RAPGEF1: variants seen among roughly 807,000 people sequenced by gnomAD.
RAPGEF1 encodes CRK SH3-binding GNRP.
In RAPGEF1, 33 loss-of-function variants were observed where a neutral mutation model predicts 143.3. The observed-to-expected ratio is 0.23, with a 90% CI of 0.17 to 0.31. The LOEUF (loss-of-function observed/expected upper bound fraction) is 0.31, where lower values mean the gene tolerates loss of function less well. RAPGEF1 is among the 10% of genes least tolerant of loss of function. The pLI, the probability that RAPGEF1 is intolerant of heterozygous loss-of-function variation, is 1.00. For synonymous variants in RAPGEF1, 629 were observed against 676.5 expected (o/e 0.93, Z 1.09); for missense variants, 1,199 against 1,645.4 (o/e 0.73, Z 4.69).
chr9:131,613,233 C>T (rs1294943365), intron 12 of RAPGEF1, among the ~76,000 whole-genome samples: 2 of 137,698 alleles, frequency 1.5e-5, no homozygotes, highest in African/African-American at 5.7e-5. Context: ...GTTCATACAG[C>T]AAGTAAGGAG....
At position 131,641,060 on chromosome 9, in the gene RAPGEF1, C is replaced by A. The variant is rs1477089259; in HGVS notation, c.494+2179G>T. On this transcript the variant is annotated intron_variant, in intron 4 of 26. Coordinates refer to ENST00000683357, the MANE Select transcript of RAPGEF1 (RefSeq NM_001377935.1). This position sits in a 1 kb window ranked among gnomAD's most constrained non-coding sequence, Gnocchi z 4.6. ...GACATTCAATGTCAATTAAGAGCCA[C>A]CCCTCAATAGACAAAAAATACCCCC... 2.0e-5 allele frequency among the ~76,000 whole-genome samples: 3 copies of A among 152,140 alleles called. No individual in the cohort carries two copies. The highest frequency in any genetic ancestry group is 4.8e-5 in the African/African-American group (2 of 41,422).
At chr9:131,593,600 C>T (rs1329961384) in intron 17 of RAPGEF1, among the ~76,000 whole-genome samples, 1 of 152,204 alleles carries the variant, frequency 6.6e-6, no homozygotes, top group Admixed American at 6.5e-5. Context: ...CTGAGTCATG[C>T]TGGCTTGGCT....
chr9:131,710,007 A>G, intron 1 of RAPGEF1: 2 of 934,206 alleles, frequency 2.1e-6, no homozygotes, highest in Non-Finnish European at 2.6e-6. Flanking sequence ...TCAGCACAAC[A>G]GCGGCTTGCA....
At chr9:131,626,505 G>GGCTC (rs1344185065) in intron 9 of RAPGEF1, 83 bp from the exon 10 acceptor site, 1 of 1,413,002 alleles carries the variant, frequency 7.1e-7, no homozygotes, top group Non-Finnish European at 9.5e-7. Context: ...GCCTCTCGCC[G>GGCTC]GCTCGCTCAT....
intron 1 of RAPGEF1, among the ~76,000 whole-genome samples, chr9:131,686,273 C>A (rs1003672075): frequency 2.0e-5 from 3 of 152,184 alleles, no homozygotes; most frequent in African/African-American, 7.2e-5. Flanking sequence ...TGTGTTCCAA[C>A]AAAACTTTAT....
At chr9:131,648,630 G>A (rs1970306466) in intron 3 of RAPGEF1, among the ~76,000 whole-genome samples, 1 of 152,114 alleles carries the variant, frequency 6.6e-6, no homozygotes, top group African/African-American at 2.4e-5. Flanking sequence ...AATAACTGTG[G>A]CACAGACCAA....
chr9:131,652,933 G>A (rs1044302250), intron 1 of RAPGEF1, among the ~76,000 whole-genome samples: 6 of 152,136 alleles, frequency 3.9e-5, no homozygotes, highest in African/African-American at 9.7e-5. Flanking sequence ...CATTGCGCTG[G>A]ATGTAATGAT....
rs545275365 is a variant in RAPGEF1 at position 131,589,641 on chromosome 9, G to A, written c.2867+245C>T. Among the ~76,000 whole-genome samples, 12 of 152,244 alleles carry A rather than the reference G, an allele frequency of 7.9e-5. No individual in the cohort carries two copies. In the East Asian group the frequency reaches 1.2e-3, roughly 15 times the overall value. ...CCTAAGATACCATGGGAGCAGGTGCGTTGGGCGGGTTCTCTCCTGAGGGTC... is the reference window on the plus strand; with the variant it reads ...CCTAAGATACCATGGGAGCAGGTGCATTGGGCGGGTTCTCTCCTGAGGGTC... On this transcript the variant is annotated intron_variant, in intron 19 of 26. Transcript: ENST00000683357.
Position 131,596,364 on chromosome 9 carries a change from C to T in RAPGEF1, c.2623G>A (p.Gly875Arg), listed in dbSNP as rs1164172369. 1.9e-6 allele frequency: 3 copies of T among 1,613,968 alleles called. No homozygotes were observed. The highest frequency in any genetic ancestry group is 1.7e-5 in the Admixed American group (1 of 60,024). The change falls in exon 17 of 27, where the codon GGG (glycine) becomes AGG (arginine). Residue 875 changes from glycine (G) to arginine (R), a missense_variant. Physicochemically the swap from Gly to Arg is moderately radical, Grantham distance 125. Coordinates refer to ENST00000683357, the MANE Select transcript of RAPGEF1 (RefSeq NM_001377935.1). ...RLTLKQEGDD[G>R]PDVRGGSGDI... Reference sequence around the variant, plus strand: ...CCAGATCCTCCGCGGACGTCCGGCCCGTCATCACCCTGTAATGAACACAGC... The same window carrying T: ...CCAGATCCTCCGCGGACGTCCGGCCTGTCATCACCCTGTAATGAACACAGC...
In RAPGEF1 at chr9:131,653,976, A is replaced by T. The variant is rs374802343; in HGVS notation, c.62-3027T>A. Among the ~76,000 whole-genome samples the T allele has an allele frequency of 2.6e-5, 4 of 152,382 alleles. No individual in the cohort carries two copies. In the East Asian group the frequency reaches 5.8e-4, roughly 22 times the overall value. Reference sequence around the variant, plus strand: ...AATAAATTAAGTACGGATCAGCTACAACACAGTTGAACCTTGAAAACATTA... The same window carrying T: ...AATAAATTAAGTACGGATCAGCTACTACACAGTTGAACCTTGAAAACATTA... On this transcript the variant is annotated intron_variant, in intron 1 of 26. Coordinates refer to ENST00000683357, the MANE Select transcript of RAPGEF1 (RefSeq NM_001377935.1).
chr9:131,641,830 C>T lies in RAPGEF1; in HGVS notation c.494+1409G>A, dbSNP rs1968083612. On this transcript the variant is annotated intron_variant, in intron 4 of 26. Transcript: ENST00000683357. This position sits in a 1 kb window ranked among gnomAD's most constrained non-coding sequence, Gnocchi z 4.6. Reference sequence around the variant, plus strand: ...CGCCAGCGAGCTTCTGGCCAAAAGACCACAGTCTCCACGCGTCAGCTGAAA... The same window carrying T: ...CGCCAGCGAGCTTCTGGCCAAAAGATCACAGTCTCCACGCGTCAGCTGAAA... 6.6e-6 allele frequency among the ~76,000 whole-genome samples: 1 copy of T among 152,256 alleles called. No individual in the cohort carries two copies. The highest frequency in any genetic ancestry group is 6.5e-5 in the Admixed American group (1 of 15,286).
At chr9:131,723,764 T>C (rs1192610231) in intron 1 of RAPGEF1, among the ~76,000 whole-genome samples, 2 of 152,236 alleles carry the variant, frequency 1.3e-5, no homozygotes, top group Non-Finnish European at 2.9e-5. Context: ...CTCGAGTCCC[T>C]GCTTTCCCTT....
rs1384905970 is a variant in RAPGEF1, at chr9:131,655,492, C to T, written c.62-4543G>A. ...CGCTCCCCTCTGTCCTGCCTCTTCT[C>T]TCTCTTCACCCAAGCAGGGTGGATC... On this transcript the variant is annotated intron_variant, in intron 1 of 26. Coordinates refer to ENST00000683357, the MANE Select transcript of RAPGEF1 (RefSeq NM_001377935.1). This position sits in a 1 kb window ranked among gnomAD's most constrained non-coding sequence, Gnocchi z 4.1. 6.6e-6 allele frequency among the ~76,000 whole-genome samples: 1 copy of T among 152,262 alleles called. No homozygotes were observed. The highest frequency in any genetic ancestry group is 2.4e-5 in the African/African-American group (1 of 41,474).
At chr9:131,579,934 G>A (rs1264886328) in intron 26 of RAPGEF1, among the ~76,000 whole-genome samples, 1 of 152,212 alleles carries the variant, frequency 6.6e-6, no homozygotes, top group Admixed American at 6.5e-5. Context: ...CGCCCTGGGG[G>A]AGCTCTGGTG....
chr9:131,724,106 C>G (rs543444653), intron 1 of RAPGEF1, among the ~76,000 whole-genome samples: 41 of 152,202 alleles, frequency 2.7e-4, no homozygotes, highest in African/African-American at 8.9e-4. Flanking sequence ...ATACTACTGC[C>G]GAGAGAAGAC....
chr9:131,633,174 A>G (rs1450670957), intron 5 of RAPGEF1, among the ~76,000 whole-genome samples: 1 of 152,226 alleles, frequency 6.6e-6, no homozygotes, highest in Non-Finnish European at 1.5e-5. Flanking sequence ...TTTAGAAGTT[A>G]ATATTTAAGG....
At chr9:131,692,150 A>G (rs1308896452) in intron 1 of RAPGEF1, among the ~76,000 whole-genome samples, 2 of 152,238 alleles carry the variant, frequency 1.3e-5, no homozygotes, top group African/African-American at 4.8e-5. Flanking sequence ...GTTCCAGCAA[A>G]GCAAACTTTG....
At chr9:131,688,204 T>C (rs1833506461) in intron 1 of RAPGEF1, among the ~76,000 whole-genome samples, 1 of 152,136 alleles carries the variant, frequency 6.6e-6, no homozygotes, top group Non-Finnish European at 1.5e-5. Context: ...TGGAGAATTG[T>C]CCCTCCAAGT....
intron 1 of RAPGEF1, chr9:131,709,993 C>T: frequency 1.0e-6 from 1 of 961,716 alleles, no homozygotes; most frequent in Non-Finnish European, 1.2e-6. Flanking sequence ...CACTTTATTA[C>T]TCATCAGCAC....
Sources: allele counts gnomAD v4.1 joint callset (sites outside exome capture counted in the v4.1 genomes callset), GRCh38; gene constraint gnomAD v4.1.1; non-coding constraint Gnocchi (gnomAD v3.1); transcripts MANE v1.5; gene names NCBI Gene and HGNC (gene_info 2026-07-23, HGNC 2026-07-21).